Variants in CDYL2 observed in about 807,000 individuals in gnomAD.
CDYL2 encodes the protein chromodomain Y like 2.
CDYL2 carries 23 observed loss-of-function variants against 49.4 expected under a neutral mutation model. The ratio of observed to expected loss-of-function variants is 0.47; its 90% CI spans 0.34 to 0.66. The LOEUF (loss-of-function observed/expected upper bound fraction) is 0.66. CDYL2 is among the 30% of genes least tolerant of loss of function. CDYL2 has a pLI of 0.01. For missense variants in CDYL2, 678 were observed against 656.4 expected (o/e 1.03, Z -0.36); for synonymous variants, 360 against 268.8 (o/e 1.34, Z -3.32).
intron 4 of CDYL2, among the ~76,000 whole-genome samples, chr16:80,620,331 C>A (rs1300465369): frequency 6.6e-6 from 1 of 152,198 alleles, no homozygotes; most frequent in East Asian, 1.9e-4. Context: ...CCATCAACCT[C>A]CCCACTGCTG....
Position 80,620,866 on chromosome 16 carries a change from C to A in CDYL2, c.904G>T (p.Ala302Ser), listed in dbSNP as rs866902124. ...CCGCTGCAGAACACGCTCCCCACTG[C>A]GCTGAGGAGCAGCAGTTTGCTGTCG... is the stretch of plus-strand genomic sequence containing the variant. ...TDDSKLLLLSAVGSVFCSGLD... is the reference protein window; with the variant it reads ...TDDSKLLLLSSVGSVFCSGLD... The change falls in exon 4 of 7, where the codon GCA (alanine) becomes TCA (serine). Residue 302 changes from alanine to serine, a missense_variant. Transcript: ENST00000570137. 2 of 1,612,722 alleles carry A rather than the reference C, an allele frequency of 1.2e-6. No individual in the cohort carries two copies. The highest frequency in any genetic ancestry group is 2.2e-5 in the South Asian group (2 of 91,008).
intron 1 of CDYL2, among the ~76,000 whole-genome samples, chr16:80,751,466 G>A (rs1049036537): frequency 1.3e-5 from 2 of 152,204 alleles, no homozygotes; most frequent in Non-Finnish European, 2.9e-5. Context: ...CAAGCAGCAC[G>A]TGGCAGCTAA....
intron 5 of CDYL2, among the ~76,000 whole-genome samples, chr16:80,608,972 C>T (rs1906473085): frequency 6.6e-6 from 1 of 152,088 alleles, no homozygotes; most frequent in Non-Finnish European, 1.5e-5. Flanking sequence ...CCAAAAAGGT[C>T]GTGAATAACA....
At chr16:80,678,829 A>T (rs1909858683) in intron 2 of CDYL2, among the ~76,000 whole-genome samples, 1 of 151,312 alleles carries the variant, frequency 6.6e-6, no homozygotes, top group Admixed American at 6.6e-5. Flanking sequence ...TTATTGCGGC[A>T]CTATTCACAA....
At chr16:80,690,250 G>C (rs910964547) in intron 1 of CDYL2, among the ~76,000 whole-genome samples, 1 of 152,074 alleles carries the variant, frequency 6.6e-6, no homozygotes, top group African/African-American at 2.4e-5. Context: ...AGTCACAAAG[G>C]CTCCTCCAAG....
At chr16:80,625,432 A>C (rs1907258897) in intron 3 of CDYL2, among the ~76,000 whole-genome samples, 1 of 152,186 alleles carries the variant, frequency 6.6e-6, no homozygotes, top group Non-Finnish European at 1.5e-5. Context: ...GGTAGTCTAG[A>C]ATACTCTCTA....
In CDYL2 at chr16:80,775,974, C is replaced by T. The variant is rs1226621943; in HGVS notation, c.24+28176G>A. ...TTATTAGGTCACAAAAATTCAGTAA[C>T]ACTGCAAAAGAAGTTACGTATATGT... On this transcript the variant is annotated intron_variant, in intron 1 of 6. Coordinates refer to ENST00000570137, the MANE Select transcript of CDYL2 (RefSeq NM_152342.4). 3.3e-5 allele frequency among the ~76,000 whole-genome samples: 5 copies of T among 151,664 alleles called. No individual in the cohort carries two copies. In the East Asian group the frequency reaches 9.6e-4, roughly 29 times the overall value.
intron 1 of CDYL2, among the ~76,000 whole-genome samples, chr16:80,753,103 G>C (rs905265793): frequency 6.6e-6 from 1 of 152,092 alleles, no homozygotes; most frequent in African/African-American, 2.4e-5. Flanking sequence ...TGCAGTCAAA[G>C]TTTCCTAAGG....
At chr16:80,740,792 G>C (rs1326546771) in intron 1 of CDYL2, among the ~76,000 whole-genome samples, 1 of 150,484 alleles carries the variant, frequency 6.6e-6, no homozygotes, top group Non-Finnish European at 1.5e-5. Context: ...TATTTAATGA[G>C]AAATGTGCAG....
At chr16:80,801,650 A>C (rs1907931275) in intron 1 of CDYL2, among the ~76,000 whole-genome samples, 1 of 152,264 alleles carries the variant, frequency 6.6e-6, no homozygotes, top group African/African-American at 2.4e-5. Context: ...TAATGAAAGT[A>C]ATAAACAGGT....
chr16:80,705,802 T>A (rs552624629), intron 1 of CDYL2, among the ~76,000 whole-genome samples: 1 of 152,284 alleles, frequency 6.6e-6, no homozygotes, highest in East Asian at 1.9e-4. Flanking sequence ...AAAACTTTAT[T>A]TATAAAAACA....
chr16:80,609,871 A>G (rs1026935127), intron 5 of CDYL2, among the ~76,000 whole-genome samples: 1 of 151,796 alleles, frequency 6.6e-6, no homozygotes, highest in Non-Finnish European at 1.5e-5. Flanking sequence ...CAAACAACCC[A>G]CTCTAGAGCT....
chr16:80,707,416 G>C (rs187422307), intron 1 of CDYL2, among the ~76,000 whole-genome samples: 1 of 152,146 alleles, frequency 6.6e-6, no homozygotes, highest in African/African-American at 2.4e-5. Flanking sequence ...AGCTACGATC[G>C]TACCACTGCA....
intron 6 of CDYL2, 123 bp from the exon 7 acceptor site, chr16:80,604,669 C>T (rs1486252574): frequency 2.1e-6 from 2 of 946,070 alleles, no homozygotes; most frequent in Non-Finnish European, 3.3e-6. Flanking sequence ...CTGCCTCCTC[C>T]AGCCTGGGCC....
At chr16:80,790,512 A>G (rs1907575344) in intron 1 of CDYL2, among the ~76,000 whole-genome samples, 1 of 152,190 alleles carries the variant, frequency 6.6e-6, no homozygotes, top group African/African-American at 2.4e-5. Context: ...GATCTCACCA[A>G]AGTCTGCTTC....
At chr16:80,804,893 C>T (rs1322253411), upstream of CDYL2, among the ~76,000 whole-genome samples, 2 of 152,020 alleles carry the variant, frequency 1.3e-5, no homozygotes, top group African/African-American at 4.8e-5. Context: ...GGCCCGGGGT[C>T]CCCACCTACC....
intron 2 of CDYL2, among the ~76,000 whole-genome samples, chr16:80,651,084 A>C (rs1226551226): frequency 6.6e-6 from 1 of 152,176 alleles, no homozygotes; most frequent in Non-Finnish European, 1.5e-5. Flanking sequence ...ATTAATTTAC[A>C]CTTTAAAATA....
intron 2 of CDYL2, among the ~76,000 whole-genome samples, chr16:80,642,587 G>C (rs1447380406): frequency 6.6e-6 from 1 of 152,104 alleles, no homozygotes; most frequent in East Asian, 1.9e-4. Context: ...AAAGACATCG[G>C]GTAGACTGGG....
chr16:80,635,042 A>G (rs1907754702), intron 2 of CDYL2, among the ~76,000 whole-genome samples: 1 of 152,242 alleles, frequency 6.6e-6, no homozygotes, highest in Admixed American at 6.5e-5. Flanking sequence ...TAGTAGACTG[A>G]TATCTCTCAT....
Sources: allele counts gnomAD v4.1 joint callset (sites outside exome capture counted in the v4.1 genomes callset), GRCh38; gene constraint gnomAD v4.1.1; transcripts MANE v1.5; gene names NCBI Gene and HGNC (gene_info 2026-07-23, HGNC 2026-07-21).